Variants in VWC2 observed in about 807,000 individuals in gnomAD.
The protein encoded by VWC2 is von Willebrand factor C domain containing 2.
Under a neutral mutation model 29.8 loss-of-function variants are expected in VWC2, and 14 were observed. The observed-to-expected ratio is 0.47, with a 90% confidence interval of 0.31 to 0.74. The LOEUF (loss-of-function observed/expected upper bound fraction) is 0.74, where lower values mean the gene tolerates loss of function less well. Ranked by LOEUF, VWC2 falls within the 30% of genes least tolerant of loss-of-function variation. The pLI is 0.05. For synonymous variants in VWC2, 213 were observed against 199.0 expected (o/e 1.07, Z -0.59); for missense variants, 457 against 459.8 (o/e 0.99, Z 0.05).
chr7:49,895,079 A>G (rs543560734), intron 3 of VWC2, among the ~76,000 whole-genome samples: 4 of 152,348 alleles, frequency 2.6e-5, no homozygotes, highest in African/African-American at 9.6e-5. Context: ...TATAAACATC[A>G]GAAATGTATT....
At chr7:49,841,125 G>A (rs985188206) in intron 3 of VWC2, among the ~76,000 whole-genome samples, 1 of 152,140 alleles carries the variant, frequency 6.6e-6, no homozygotes, top group East Asian at 1.9e-4. Context: ...GCATACAAGC[G>A]AAGCTGTCTG....
rs1369424314 is a variant in VWC2 at position 49,915,851 on chromosome 7, T to C, written c.*3666T>C. On this transcript the variant is annotated 3_prime_UTR_variant, in exon 4 of 4. Transcript: ENST00000340652. ...TATCAGATGTACAAATAAGCATCAT[T>C]GGTAAAAACATACATGCTTCTTTGG... 4 of 152,206 alleles carry C rather than the reference T, an allele frequency of 2.6e-5. No individual in the cohort carries two copies. Among genetic ancestry groups the C allele is most frequent in the African/African-American group, 9.6e-5 (4 of 41,462 alleles). The allele number at this position is 152,206 out of a possible 1,614,324, so 9.4% of individuals were successfully genotyped here.
intron 3 of VWC2, among the ~76,000 whole-genome samples, chr7:49,814,207 A>T (rs1010707007): frequency 2.0e-5 from 3 of 152,098 alleles, no homozygotes; most frequent in Non-Finnish European, 4.4e-5. Flanking sequence ...TTAGAGAAGA[A>T]CCTCAGTATC....
intron 3 of VWC2, among the ~76,000 whole-genome samples, chr7:49,823,700 C>T (rs902864840): frequency 3.9e-5 from 6 of 152,172 alleles, no homozygotes; most frequent in African/African-American, 1.4e-4. Flanking sequence ...TGAAAGTTTT[C>T]AGCCATGACA....
intron 3 of VWC2, among the ~76,000 whole-genome samples, chr7:49,887,283 C>G (rs1261974447): frequency 2.6e-5 from 4 of 152,164 alleles, no homozygotes; most frequent in Non-Finnish European, 5.9e-5. Context: ...AATTTCTCAG[C>G]AGCAATTTTG....
In VWC2 at chr7:49,914,535, T is replaced by C. The variant is rs1329421643; in HGVS notation, c.*2350T>C. 1 of 152,184 alleles carries C rather than the reference T, an allele frequency of 6.6e-6. No homozygotes were observed. Among genetic ancestry groups the C allele is most frequent in the African/African-American group, 2.4e-5 (1 of 41,422 alleles). 9.4% of individuals were successfully genotyped at this position (152,184 alleles called of 1,614,324 possible). On this transcript the variant is annotated 3_prime_UTR_variant, in exon 4 of 4. Transcript: ENST00000340652. The stretch of plus-strand genomic sequence containing the variant: ...CAACCCCCTCATTCCTCTCTCCTCA[T>C]AGAAATAATGCATAAACCAAACACA...
chr7:49,908,903 TATTCTA>T (rs2128741437), intron 3 of VWC2, among the ~76,000 whole-genome samples: 4 of 152,350 alleles, frequency 2.6e-5, no homozygotes, highest in African/African-American at 9.6e-5. Flanking sequence ...AAAGATTTTA[TATTCTA>T]CAGTAAAATG....
intron 3 of VWC2, among the ~76,000 whole-genome samples, chr7:49,867,837 T>TA (rs1272186743): frequency 3.2e-4 from 26 of 81,258 alleles, no homozygotes; most frequent in African/African-American, 8.9e-4. Context: ...ATTTTATTAT[T>TA]TTATTTTATT....
At chr7:49,893,819 G>A (rs1350357200) in intron 3 of VWC2, among the ~76,000 whole-genome samples, 1 of 152,160 alleles carries the variant, frequency 6.6e-6, no homozygotes, top group Non-Finnish European at 1.5e-5. Context: ...TACAGAAAAA[G>A]CAGCTGTTTC....
intron 3 of VWC2, among the ~76,000 whole-genome samples, chr7:49,901,659 C>G (rs898239211): frequency 6.6e-6 from 1 of 151,686 alleles, no homozygotes; most frequent in African/African-American, 2.4e-5. Flanking sequence ...AAACAAAATC[C>G]CAGGAAGCAA....
intron 3 of VWC2, among the ~76,000 whole-genome samples, chr7:49,829,335 A>G (rs754790178): frequency 4.4e-4 from 67 of 152,014 alleles, no homozygotes; most frequent in Non-Finnish European, 8.8e-4. Context: ...GTCTCTCCCC[A>G]TTTACAACCT....
chr7:49,874,820 G>A (rs542699694), intron 3 of VWC2, among the ~76,000 whole-genome samples: 23 of 151,992 alleles, frequency 1.5e-4, no homozygotes, highest in Admixed American at 1.2e-3. Context: ...TCCTACTTCA[G>A]TAAAGATTCC....
intron 3 of VWC2, among the ~76,000 whole-genome samples, chr7:49,856,771 A>G (rs564847825): frequency 4.2e-4 from 64 of 152,180 alleles, no homozygotes; most frequent in African/African-American, 1.5e-3. Context: ...CATGATTGGG[A>G]GGCCGAGGTG....
intron 3 of VWC2, among the ~76,000 whole-genome samples, chr7:49,834,112 T>C (rs1436440498): frequency 6.6e-6 from 1 of 152,172 alleles, no homozygotes; most frequent in Non-Finnish European, 1.5e-5. Context: ...GTTTCTAGGC[T>C]GATGGGTAGA....
chr7:49,816,811 C>T (rs1789157342), intron 3 of VWC2, among the ~76,000 whole-genome samples: 1 of 152,178 alleles, frequency 6.6e-6, no homozygotes, highest in East Asian at 1.9e-4. Context: ...CACATTCTAG[C>T]TTTATCCCTA....
chr7:49,897,052 C>T (rs1034427707), intron 3 of VWC2, among the ~76,000 whole-genome samples: 7 of 151,884 alleles, frequency 4.6e-5, no homozygotes, highest in East Asian at 3.9e-4. Flanking sequence ...CCCGCCACCT[C>T]GCCCGGCTAA....
rs185742450 is a variant in VWC2, at chr7:49,898,113, A to G, written c.827-13921A>G. On this transcript the variant is annotated intron_variant, in intron 3 of 3. Transcript: ENST00000340652. ...CAACCATTATGTATGCTTTACATAT[A>G]TGTGTGTGTGTGTGTGTATGTATGT... 8.5e-4 allele frequency among the ~76,000 whole-genome samples: 129 copies of G among 151,326 alleles called. 1 individual carries two copies. In the East Asian group the frequency reaches 0.016, roughly 18 times the overall value.
chr7:49,883,469 T>C (rs1223298613), intron 3 of VWC2, among the ~76,000 whole-genome samples: 1 of 152,204 alleles, frequency 6.6e-6, no homozygotes, highest in Non-Finnish European at 1.5e-5. Context: ...TCCATGGCAT[T>C]AGATTTAAAC....
At chr7:49,813,237 C>A (rs1380142372) in intron 3 of VWC2, among the ~76,000 whole-genome samples, 1 of 152,254 alleles carries the variant, frequency 6.6e-6, no homozygotes, top group Non-Finnish European at 1.5e-5. Flanking sequence ...TGCTCTCCTG[C>A]AGGCACTGCA....
Sources: allele counts gnomAD v4.1 joint callset (sites outside exome capture counted in the v4.1 genomes callset), GRCh38; gene constraint gnomAD v4.1.1; transcripts MANE v1.5; gene names NCBI Gene and HGNC (gene_info 2026-07-23, HGNC 2026-07-21).